ATP8B4: variants seen among roughly 807,000 people sequenced by gnomAD.
ATP8B4 encodes the protein ATPase phospholipid transporting 8B4 (putative), also known as probable phospholipid-transporting ATPase IM.
In ATP8B4, 133 loss-of-function variants were observed where a neutral mutation model predicts 145.6. That is an observed-to-expected ratio of 0.91 (90% CI 0.79 to 1.05). The LOEUF is 1.05. Ranked by LOEUF, ATP8B4 falls within the 50% of genes least tolerant of loss-of-function variation. The probability of loss-of-function intolerance (pLI) is 0.00; values close to 1 mark genes in which losing one functional copy is unlikely to be tolerated. For synonymous variants in ATP8B4, 507 were observed against 492.9 expected, an observed-to-expected ratio of 1.03 and a Z score of -0.38; for missense variants, 1,458 against 1,425.2, an observed-to-expected ratio of 1.02 and a Z score of -0.37.
At chr15:49,883,910 T>C (rs1392930581) in intron 23 of ATP8B4, among the ~76,000 whole-genome samples, 1 of 152,194 alleles carries the variant, frequency 6.6e-6, no homozygotes, top group Non-Finnish European at 1.5e-5. Context: ...ATTTACCCTT[T>C]CACCCCATTC....
intron 1 of ATP8B4, among the ~76,000 whole-genome samples, chr15:50,152,093 T>G (rs1167509838): frequency 6.6e-6 from 1 of 152,152 alleles, no homozygotes; most frequent in African/African-American, 2.4e-5. Flanking sequence ...CCCATGTTTC[T>G]TCATTAGAAT....
At chr15:49,896,466 A>G (rs1278247158) in intron 23 of ATP8B4, 1 of 152,230 alleles carries the variant, frequency 6.6e-6, no homozygotes, top group Admixed American at 6.5e-5. Flanking sequence ...ACCTTCATGC[A>G]TATCGTTGAA....
chr15:49,909,966 A>G (rs2039061115), intron 20 of ATP8B4, among the ~76,000 whole-genome samples: 1 of 152,196 alleles, frequency 6.6e-6, no homozygotes, highest in Non-Finnish European at 1.5e-5. Flanking sequence ...CTCCAAAGGA[A>G]CACCATAATT....
At chr15:49,926,344 C>T (rs8033606) in intron 16 of ATP8B4, among the ~76,000 whole-genome samples, 2,838 of 152,232 alleles carry the variant, frequency 0.019, 93 homozygotes, top group African/African-American at 0.066. Flanking sequence ...GCATCACTCA[C>T]AGTTCTCCCT....
At chr15:50,111,910 G>C (rs991325854) in intron 1 of ATP8B4, among the ~76,000 whole-genome samples, 6 of 152,202 alleles carry the variant, frequency 3.9e-5, no homozygotes, top group Non-Finnish European at 8.8e-5. Flanking sequence ...GCTCATGCCT[G>C]TAATCCCAAC....
In ATP8B4 at chr15:50,074,184, T is replaced by G. The variant is rs1337420934; in HGVS notation, c.30A>C (p.Glu10Asp). The G allele has an allele frequency of 1.2e-6, 2 of 1,609,418 alleles. No homozygotes were observed. Among genetic ancestry groups the G allele is most frequent in the Non-Finnish European group, 1.7e-6 (2 of 1,177,658 alleles). ...CATTGGCTTTCACTATCCGTTCCAC[T>G]TCTAAAGAGAGAGAAATCAAGTATG... is the stretch of plus-strand genomic sequence containing the variant. MFCSEKKLR[E>D]VERIVKANDR... The change falls in exon 3 of 28, where the codon GAA becomes GAC. Residue 10 changes from glutamate to aspartate, a missense_variant and splice_region_variant. Transcript: ENST00000284509.
chr15:50,073,304 C>T (rs1029453022), intron 3 of ATP8B4, among the ~76,000 whole-genome samples: 1 of 151,680 alleles, frequency 6.6e-6, no homozygotes, highest in African/African-American at 2.4e-5. Context: ...TCTCATTGTT[C>T]GACTCCCACT....
At chr15:49,888,188 C>T (rs556316222) in intron 23 of ATP8B4, among the ~76,000 whole-genome samples, 1 of 152,336 alleles carries the variant, frequency 6.6e-6, no homozygotes, top group East Asian at 1.9e-4. Context: ...GGCCTGAGCA[C>T]TCGTCCAGTC....
intron 26 of ATP8B4, among the ~76,000 whole-genome samples, chr15:49,863,608 A>G (rs985103634): frequency 2.0e-5 from 3 of 152,168 alleles, no homozygotes; most frequent in Non-Finnish European, 4.4e-5. Context: ...ACTGAATGGT[A>G]TGTCTGCTTT....
chr15:49,859,867 C>A lies in ATP8B4; in HGVS notation c.*327G>T. 1 of 259,818 alleles carries A rather than the reference C, an allele frequency of 3.8e-6. No homozygotes were observed. Among genetic ancestry groups the A allele is most frequent in the African/African-American group, 2.2e-5 (1 of 44,730 alleles). The allele number at this position is 259,818 out of a possible 1,614,324, so 16.1% of individuals were successfully genotyped here. On this transcript the variant is annotated 3_prime_UTR_variant, in exon 28 of 28. Transcript: ENST00000284509. ...CCTGAGGATCCATTCAGTGAATATG[C>A]AGCTTTACAAGTTTTTCTCCATAAA...
At chr15:49,865,173 T>C (rs1253062489) in intron 26 of ATP8B4, among the ~76,000 whole-genome samples, 1 of 152,194 alleles carries the variant, frequency 6.6e-6, no homozygotes, top group Non-Finnish European at 1.5e-5. Context: ...CAATGGCCAA[T>C]GACTTTATCA....
At chr15:49,989,449 A>C (rs1219999319) in intron 9 of ATP8B4, among the ~76,000 whole-genome samples, 1 of 152,184 alleles carries the variant, frequency 6.6e-6, no homozygotes, top group Non-Finnish European at 1.5e-5. Context: ...GCTTTGGGCA[A>C]AAACAACATG....
chr15:50,022,769 T>C (rs995681606), intron 6 of ATP8B4, among the ~76,000 whole-genome samples: 1 of 152,238 alleles, frequency 6.6e-6, no homozygotes, highest in Non-Finnish European at 1.5e-5. Context: ...CATGCCCCGC[T>C]GACCACAGTA....
intron 1 of ATP8B4, among the ~76,000 whole-genome samples, chr15:50,168,298 C>A (rs948184058): frequency 6.6e-6 from 1 of 152,126 alleles, no homozygotes; most frequent in African/African-American, 2.4e-5. Flanking sequence ...GACCCACAGA[C>A]CCTCTGAAGG....
intron 14 of ATP8B4, among the ~76,000 whole-genome samples, chr15:49,961,497 T>A (rs1001334427): frequency 6.6e-6 from 1 of 152,242 alleles, no homozygotes. Flanking sequence ...CACAGTTTTT[T>A]TGCTGCATTT....
At chr15:49,971,221 A>G (rs1386278598) in intron 13 of ATP8B4, among the ~76,000 whole-genome samples, 2 of 152,250 alleles carry the variant, frequency 1.3e-5, no homozygotes, top group Admixed American at 6.5e-5. Flanking sequence ...CAAAGACTTC[A>G]TGACTAAAAC....
At chr15:50,159,567 C>T (rs2044484506) in intron 1 of ATP8B4, among the ~76,000 whole-genome samples, 1 of 152,164 alleles carries the variant, frequency 6.6e-6, no homozygotes, top group African/African-American at 2.4e-5. Flanking sequence ...TTGTCTTGTT[C>T]AACATCTCAG....
At chr15:50,068,138 A>C (rs964768134) in intron 3 of ATP8B4, among the ~76,000 whole-genome samples, 40 of 152,122 alleles carry the variant, frequency 2.6e-4, no homozygotes, top group African/African-American at 9.6e-4. Flanking sequence ...ATATTTTTCT[A>C]CTCTACTCTC....
At chr15:50,036,835 G>A (rs2414006) in intron 6 of ATP8B4, among the ~76,000 whole-genome samples, 103,804 of 152,108 alleles carry the variant, frequency 0.68, 37,680 homozygotes, top group East Asian at 0.99. Flanking sequence ...CCTAAAAAAT[G>A]CTCCATTCCA....
Sources: gnomAD v4.1 joint callset for allele counts (sites outside exome capture counted in the v4.1 genomes callset) on GRCh38, gnomAD v4.1.1 for gene constraint, MANE v1.5 for transcripts, NCBI Gene and HGNC (gene_info 2026-07-23, HGNC 2026-07-21) for gene names.